MMP26: variants seen among roughly 807,000 people sequenced by gnomAD.
MMP26 encodes matrix metallopeptidase 26.
MMP26 carries 33 observed loss-of-function variants against 31.0 expected under a neutral mutation model. The ratio of observed to expected loss-of-function variants is 1.06; its 90% CI spans 0.81 to 1.42. The LOEUF is 1.42. Among genes scored for constraint, MMP26 ranks in the 40% most tolerant of loss-of-function variants. MMP26 has a pLI of 0.00. For synonymous variants in MMP26, 122 were observed against 114.9 expected (o/e 1.06, Z -0.40); for missense variants, 347 against 316.1 (o/e 1.10, Z -0.74).
At chr11:4,812,682 A>G (rs908694261) in intron 2 of MMP26, among the ~76,000 whole-genome samples, 5 of 152,218 alleles carry the variant, frequency 3.3e-5, no homozygotes, top group African/African-American at 9.7e-5. Context: ...AGATACGCAT[A>G]GAGTAGAGGA....
chr11:4,735,945 A>G (rs1039145522), intron 1 of MMP26, among the ~76,000 whole-genome samples: 7 of 152,220 alleles, frequency 4.6e-5, no homozygotes, highest in South Asian at 2.1e-4. Context: ...ACATTTTCAT[A>G]ATATTAAGAT....
chr11:4,758,049 A>G (rs956808893), intron 1 of MMP26, among the ~76,000 whole-genome samples: 14 of 152,224 alleles, frequency 9.2e-5, no homozygotes, highest in Non-Finnish European at 1.8e-4. Context: ...CAATACATGT[A>G]TACAAGTGTT....
chr11:4,968,947 A>G (rs531649261), intron 2 of MMP26, among the ~76,000 whole-genome samples: 107 of 152,028 alleles, frequency 7.0e-4, no homozygotes, highest in Non-Finnish European at 1.3e-3. Flanking sequence ...ACAACATCAT[A>G]TCTTTCATAC....
intron 2 of MMP26, among the ~76,000 whole-genome samples, chr11:4,844,723 T>A (rs1401020183): frequency 1.3e-5 from 2 of 152,088 alleles, no homozygotes; most frequent in African/African-American, 4.8e-5. Flanking sequence ...CCCTTCATAA[T>A]AAAATCCCTT....
intron 2 of MMP26, among the ~76,000 whole-genome samples, chr11:4,865,499 A>G (rs1171071928): frequency 6.6e-6 from 1 of 152,152 alleles, no homozygotes; most frequent in African/African-American, 2.4e-5. Context: ...TAAAGCAGGC[A>G]ACATGTTGAG....
At chr11:4,911,886 A>G (rs1437794204) in intron 2 of MMP26, among the ~76,000 whole-genome samples, 3 of 152,118 alleles carry the variant, frequency 2.0e-5, no homozygotes, top group Non-Finnish European at 2.9e-5. Context: ...TTTGCCCACT[A>G]TATTCCTATA....
chr11:4,705,007 A>C lies in MMP26; in HGVS notation c.-255A>C, dbSNP rs1847756488. 6.6e-6 allele frequency: 1 copy of C among 152,234 alleles called. No homozygotes were observed. The highest frequency in any genetic ancestry group is 2.1e-4 in the South Asian group (1 of 4,828). The allele number at this position is 152,234 out of a possible 1,614,324, so 9.4% of individuals were successfully genotyped here. A position where few individuals can be genotyped will look rare whatever the true frequency, so the allele number is the denominator to read the frequency against. On this transcript the variant is annotated 5_prime_UTR_variant, in exon 1 of 8. Transcript: ENST00000380390. Reference sequence around the variant, plus strand: ...TTCAAATAGCAGGGGGCAGGATCAAATAACCTCACCTTCCAGACCCAAGAA... The same window carrying C: ...TTCAAATAGCAGGGGGCAGGATCAACTAACCTCACCTTCCAGACCCAAGAA...
At chr11:4,824,660 C>T (rs2133475245) in intron 2 of MMP26, among the ~76,000 whole-genome samples, 1 of 152,254 alleles carries the variant, frequency 6.6e-6, no homozygotes, top group Non-Finnish European at 1.5e-5. Context: ...TCAATTCTAA[C>T]ATGTCAACTT....
intron 2 of MMP26, among the ~76,000 whole-genome samples, chr11:4,896,851 T>C (rs1287098219): frequency 6.6e-6 from 1 of 152,174 alleles, no homozygotes; most frequent in Non-Finnish European, 1.5e-5. Flanking sequence ...TTTAGTTCTG[T>C]TACTTGCTTT....
intron 2 of MMP26, among the ~76,000 whole-genome samples, chr11:4,900,301 A>G (rs1318838239): frequency 6.6e-6 from 1 of 152,176 alleles, no homozygotes; most frequent in Non-Finnish European, 1.5e-5. Context: ...AGAAAATAAA[A>G]CAAACCTACA....
chr11:4,796,780 C>T (rs755626748), intron 2 of MMP26, among the ~76,000 whole-genome samples: 2 of 152,080 alleles, frequency 1.3e-5, no homozygotes, highest in Admixed American at 6.6e-5. Flanking sequence ...CTGCTGCTGC[C>T]GCAGTGCTTC....
chr11:4,921,819 T>C (rs979773190), intron 2 of MMP26, among the ~76,000 whole-genome samples: 1 of 152,212 alleles, frequency 6.6e-6, no homozygotes, highest in Admixed American at 6.5e-5. Flanking sequence ...CTTTATTAAT[T>C]TTTAAAAAGT....
At chr11:4,763,911 C>G (rs1325078991) in intron 1 of MMP26, among the ~76,000 whole-genome samples, 11 of 152,000 alleles carry the variant, frequency 7.2e-5, no homozygotes, top group African/African-American at 2.4e-4. Context: ...AAATTTGATT[C>G]CTAAAATAAA....
intron 2 of MMP26, among the ~76,000 whole-genome samples, chr11:4,980,196 C>T (rs1846793016): frequency 6.6e-6 from 1 of 152,018 alleles, no homozygotes; most frequent in African/African-American, 2.4e-5. Flanking sequence ...TCCTGAGTAT[C>T]AGGGTCAGTT....
In MMP26 at chr11:4,923,425, G is replaced by C. The variant is rs1184416409; in HGVS notation, c.-144-64643G>C. ...ACTTTATAAACTGAAACTTCTTAAT[G>C]ATGCGCTGGCGAATTTGCTTGGTCT... On this transcript the variant is annotated intron_variant, in intron 2 of 7. Transcript: ENST00000380390. 2.5e-6 allele frequency: 4 copies of C among 1,593,486 alleles called. No individual in the cohort carries two copies. The highest frequency in any genetic ancestry group is 1.7e-5 in the Admixed American group (1 of 58,066).
intron 3 of MMP26, among the ~76,000 whole-genome samples, chr11:4,988,533 G>A (rs962226481): frequency 2.6e-5 from 4 of 152,082 alleles, no homozygotes; most frequent in African/African-American, 9.7e-5. Context: ...CCTAGGCACT[G>A]TGCCTTCTGT....
intron 2 of MMP26, chr11:4,973,377 A>G (rs762261633): frequency 6.6e-6 from 1 of 152,486 alleles, no homozygotes; most frequent in East Asian, 1.9e-4. Flanking sequence ...TTCTTACAAT[A>G]TTTTAGATGT....
At chr11:4,781,021 G>T (rs1057052128) in intron 2 of MMP26, among the ~76,000 whole-genome samples, 2 of 152,028 alleles carry the variant, frequency 1.3e-5, no homozygotes. Flanking sequence ...CAAAGCAAAA[G>T]AAGTTACATA....
rs148296523 is a variant in MMP26, at chr11:4,746,955, A to C, written c.-216-20315A>C. Among the ~76,000 whole-genome samples the C allele has an allele frequency of 1.1e-3, 167 of 152,220 alleles. 1 individual carries two copies. The highest frequency in any genetic ancestry group is 3.8e-3 in the African/African-American group (159 of 41,524). On this transcript the variant is annotated intron_variant, in intron 1 of 7. Transcript: ENST00000380390. ...CTTTGAGCTGGATGTTTAGTGTTGT[A>C]AAATGTGACACATTTTATCCTTATT...
Sources: gnomAD v4.1 joint callset for allele counts (sites outside exome capture counted in the v4.1 genomes callset) on GRCh38, gnomAD v4.1.1 for gene constraint, MANE v1.5 for transcripts, NCBI Gene and HGNC (gene_info 2026-07-23, HGNC 2026-07-21) for gene names.